PTPRD: variants seen among roughly 807,000 people sequenced by gnomAD.
PTPRD encodes receptor-type tyrosine-protein phosphatase delta.
A neutral mutation model predicts 214.5 loss-of-function variants in PTPRD; 34 were observed. That is an observed-to-expected ratio of 0.16 (90% CI 0.12 to 0.21). The LOEUF (loss-of-function observed/expected upper bound fraction) is 0.21, where lower values mean the gene tolerates loss of function less well. Ranked by LOEUF, PTPRD falls within the 10% of genes least tolerant of loss-of-function variation. The pLI is 1.00. For missense variants in PTPRD, 2,545 were observed against 2,398.7 expected (o/e 1.06, Z -1.27); for synonymous variants, 1,128 against 845.7 (o/e 1.33, Z -5.79).
At chr9:8,585,041 T>C (rs1301327454) in intron 14 of PTPRD, among the ~76,000 whole-genome samples, 1 of 152,146 alleles carries the variant, frequency 6.6e-6, no homozygotes, top group Non-Finnish European at 1.5e-5. Flanking sequence ...ACGTGGGGAT[T>C]AGGGGAACTA....
At chr9:8,814,513 G>T (rs904144968) in intron 11 of PTPRD, among the ~76,000 whole-genome samples, 1 of 152,064 alleles carries the variant, frequency 6.6e-6, no homozygotes. Context: ...CACCAAAGAC[G>T]GCAAAGAAAT....
At chr9:8,925,176 A>G (rs2098864771) in intron 11 of PTPRD, among the ~76,000 whole-genome samples, 1 of 151,492 alleles carries the variant, frequency 6.6e-6, no homozygotes, top group Non-Finnish European at 1.5e-5. Flanking sequence ...GACTCTAATT[A>G]CTCCCTATGT....
intron 10 of PTPRD, among the ~76,000 whole-genome samples, chr9:9,069,963 C>T (rs1187799485): frequency 1.3e-5 from 2 of 152,172 alleles, no homozygotes; most frequent in Non-Finnish European, 2.9e-5. Flanking sequence ...AAAAGGCTTT[C>T]TCCTAGGTGT....
At chr9:8,331,169 ATATTGTCATTAGGATTT>A (rs1227832780) in intron 44 of PTPRD, among the ~76,000 whole-genome samples, 1 of 148,708 alleles carries the variant, frequency 6.7e-6, no homozygotes, top group Non-Finnish European at 1.5e-5. Flanking sequence ...GCAGAACTTA[ATATTGTCATTAGGATTT>A]ATTTGATAGC....
rs533426845 is a variant in PTPRD, at chr9:9,995,050, A to G, written c.-472+38668T>C. 1.1e-4 allele frequency among the ~76,000 whole-genome samples: 16 copies of G among 152,236 alleles called. No individual in the cohort carries two copies. The East Asian group carries it at 2.3e-3, about 22-fold the overall frequency. Reference sequence around the variant, plus strand: ...ATTAAGTTTAAGCTTATTTTTGTAAACTGAATTTAGATTTTTATGAATTAA... The same window carrying G: ...ATTAAGTTTAAGCTTATTTTTGTAAGCTGAATTTAGATTTTTATGAATTAA... On this transcript the variant is annotated intron_variant, in intron 4 of 45. Coordinates refer to ENST00000381196, the MANE Select transcript of PTPRD (RefSeq NM_002839.4).
chr9:10,221,014 T>TC (rs1433879940), intron 3 of PTPRD, among the ~76,000 whole-genome samples: 1 of 151,856 alleles, frequency 6.6e-6, no homozygotes, highest in Non-Finnish European at 1.5e-5. Context: ...GCAGGAAGAA[T>TC]CCCCCGAGGA....
chr9:9,868,224 G>T (rs1309891570), intron 5 of PTPRD, among the ~76,000 whole-genome samples: 1 of 152,088 alleles, frequency 6.6e-6, no homozygotes, highest in Non-Finnish European at 1.5e-5. Context: ...AAAGATCAAA[G>T]ATAATCATCA....
intron 3 of PTPRD, among the ~76,000 whole-genome samples, chr9:10,078,862 T>A (rs1434597464): frequency 6.6e-6 from 1 of 152,110 alleles, no homozygotes; most frequent in Non-Finnish European, 1.5e-5. Flanking sequence ...ACACATTTCC[T>A]CCTAACAACA....
chr9:8,526,226 G>T (rs535452634), intron 17 of PTPRD, among the ~76,000 whole-genome samples: 2 of 135,316 alleles, frequency 1.5e-5, no homozygotes, highest in South Asian at 2.4e-4. Flanking sequence ...GAAAAAAAAT[G>T]ATCTTTTTTT....
intron 4 of PTPRD, among the ~76,000 whole-genome samples, chr9:9,950,092 G>T (rs10816261): frequency 0.57 from 86,123 of 151,994 alleles, 27,418 homozygotes; most frequent in East Asian, 0.91. Flanking sequence ...CCTGTATCAC[G>T]TCAGGTTTCC....
chr9:10,438,274 G>C (rs902254963), intron 2 of PTPRD, among the ~76,000 whole-genome samples: 5 of 151,432 alleles, frequency 3.3e-5, no homozygotes, highest in Non-Finnish European at 5.9e-5. Flanking sequence ...CTCATCGTGT[G>C]TCAAGGAGCA....
chr9:8,613,204 C>T (rs974318754), intron 14 of PTPRD, among the ~76,000 whole-genome samples: 1 of 151,946 alleles, frequency 6.6e-6, no homozygotes, highest in Admixed American at 6.6e-5. Flanking sequence ...GACTGAATAA[C>T]AAATATAAAA....
chr9:9,667,760 G>A (rs1471390711), intron 7 of PTPRD, among the ~76,000 whole-genome samples: 2 of 152,086 alleles, frequency 1.3e-5, no homozygotes, highest in African/African-American at 4.8e-5. Flanking sequence ...CTTGGCAGAA[G>A]GCAGGTTTTC....
intron 14 of PTPRD, among the ~76,000 whole-genome samples, chr9:8,539,627 G>C (rs962721705): frequency 6.6e-6 from 1 of 151,988 alleles, no homozygotes; most frequent in African/African-American, 2.4e-5. Context: ...TCAAATTCTT[G>C]TGCTGAGAAA....
intron 8 of PTPRD, among the ~76,000 whole-genome samples, chr9:9,496,048 C>T (rs952982689): frequency 2.6e-5 from 4 of 152,144 alleles, no homozygotes; most frequent in East Asian, 1.9e-4. Context: ...CTCCCTCCTT[C>T]AAGGTTGAGC....
At chr9:10,101,969 T>A (rs1358653682) in intron 3 of PTPRD, among the ~76,000 whole-genome samples, 1 of 151,702 alleles carries the variant, frequency 6.6e-6, no homozygotes, top group Non-Finnish European at 1.5e-5. Context: ...CATATGTCAA[T>A]TGGCCAGCCA....
At chr9:9,017,023 G>A (rs1255441206) in intron 11 of PTPRD, among the ~76,000 whole-genome samples, 2 of 151,988 alleles carry the variant, frequency 1.3e-5, no homozygotes, top group Non-Finnish European at 2.9e-5. Context: ...ACAATGTATG[G>A]TGGCCTAGTA....
At chr9:9,623,524 A>T (rs1390181710) in intron 7 of PTPRD, among the ~76,000 whole-genome samples, 2 of 152,200 alleles carry the variant, frequency 1.3e-5, no homozygotes, top group African/African-American at 4.8e-5. Context: ...TGAATGAATG[A>T]GTACCTCATA....
intron 12 of PTPRD, among the ~76,000 whole-genome samples, chr9:8,670,466 C>T (rs1335628811): frequency 6.6e-6 from 1 of 152,080 alleles, no homozygotes; most frequent in Non-Finnish European, 1.5e-5. Flanking sequence ...ATTTTGCTTT[C>T]TGTGTCTGGC....
Sources: allele counts gnomAD v4.1 joint callset (sites outside exome capture counted in the v4.1 genomes callset), GRCh38; gene constraint gnomAD v4.1.1; transcripts MANE v1.5; gene names NCBI Gene and HGNC (gene_info 2026-07-23, HGNC 2026-07-21).